Variants in CTIF observed in about 807,000 individuals in gnomAD.
The protein encoded by CTIF is cap binding complex dependent translation initiation factor, also known as CBP80/20-dependent translation initiation factor.
Under a neutral mutation model 66.0 loss-of-function variants are expected in CTIF, and 21 were observed. That is an observed-to-expected ratio of 0.32 (90% confidence interval 0.23 to 0.46). CTIF has a LOEUF of 0.46. CTIF is among the 20% of genes least tolerant of loss of function. The pLI is 1.00. For missense variants in CTIF, 739 were observed against 812.7 expected (o/e 0.91, Z 1.10); for synonymous variants, 345 against 326.4 (o/e 1.06, Z -0.62).
At chr18:48,578,095 T>C (rs1264847249) in intron 1 of CTIF, among the ~76,000 whole-genome samples, 1 of 152,228 alleles carries the variant, frequency 6.6e-6, no homozygotes, top group East Asian at 1.9e-4. Context: ...TGTAACTGGC[T>C]TCTTTCACTT....
In CTIF at chr18:48,761,729, C is replaced by T. The variant is rs745905058; in HGVS notation, c.1371+40C>T. The T allele has an allele frequency of 1.9e-6, 3 of 1,572,354 alleles. No homozygotes were observed. Among genetic ancestry groups the T allele is most frequent in the Non-Finnish European group, 2.6e-6 (3 of 1,153,186 alleles). ...GCCACCACCGCCCCGCGCCCCCTGCCCCTCTGCGTTCGGTGAGTTATTCCT... is the reference window on the plus strand; with the variant it reads ...GCCACCACCGCCCCGCGCCCCCTGCTCCTCTGCGTTCGGTGAGTTATTCCT... On this transcript the variant is annotated intron_variant, in intron 9 of 11. Coordinates refer to ENST00000256413, the MANE Select transcript of CTIF (RefSeq NM_014772.3). This position sits in a 1 kb window ranked among gnomAD's most constrained non-coding sequence, Gnocchi z 4.2.
Position 48,682,803 on chromosome 18 carries a change from C to T in CTIF, c.507+12059C>T, listed in dbSNP as rs560155137. Reference sequence around the variant, plus strand: ...CATGCCTCAGAGGACCCCTGGGTCCCGACAGCCCTGGGCGGGCCATTGGGG... The same window carrying T: ...CATGCCTCAGAGGACCCCTGGGTCCTGACAGCCCTGGGCGGGCCATTGGGG... On this transcript the variant is annotated intron_variant, in intron 6 of 11. Transcript: ENST00000256413. Among the ~76,000 whole-genome samples the T allele has an allele frequency of 8.5e-5, 13 of 152,340 alleles. No individual in the cohort carries two copies. The East Asian group carries it at 2.1e-3, about 25-fold the overall frequency.
At chr18:48,771,863 A>G (rs1468248768) in intron 9 of CTIF, among the ~76,000 whole-genome samples, 1 of 152,236 alleles carries the variant, frequency 6.6e-6, no homozygotes, top group Non-Finnish European at 1.5e-5. Flanking sequence ...TCCAGATCGC[A>G]GCATCTCTGC....
chr18:48,553,383 CTG>C (rs2088935572), intron 1 of CTIF, among the ~76,000 whole-genome samples: 1 of 152,188 alleles, frequency 6.6e-6, no homozygotes, highest in Admixed American at 6.5e-5. Context: ...CCAAAGACCT[CTG>C]TGTCTTTCCC....
At chr18:48,556,488 AG>A (rs2089024379) in intron 1 of CTIF, among the ~76,000 whole-genome samples, 2 of 152,326 alleles carry the variant, frequency 1.3e-5, no homozygotes, top group Middle Eastern at 6.8e-3. Context: ...ACAGAGAACA[AG>A]CTGGGACATC....
chr18:48,681,409 C>T (rs9954456), intron 6 of CTIF, among the ~76,000 whole-genome samples: 2 of 151,842 alleles, frequency 1.3e-5, no homozygotes, highest in African/African-American at 4.8e-5. Context: ...CAGAGTGGGG[C>T]CCCCAGCTGG....
chr18:48,706,600 C>T (rs2092158196), intron 6 of CTIF, among the ~76,000 whole-genome samples: 1 of 152,210 alleles, frequency 6.6e-6, no homozygotes, highest in Admixed American at 6.5e-5. Context: ...GGCCAGAGCT[C>T]TGCTGGGCCT....
At chr18:48,715,591 G>T (rs1017258336) in intron 7 of CTIF, among the ~76,000 whole-genome samples, 1 of 152,088 alleles carries the variant, frequency 6.6e-6, no homozygotes, top group Non-Finnish European at 1.5e-5. Context: ...GAGACCCGGC[G>T]CACTGCCCAA....
At chr18:48,770,026 G>A (rs931182074) in intron 9 of CTIF, among the ~76,000 whole-genome samples, 1 of 152,236 alleles carries the variant, frequency 6.6e-6, no homozygotes, top group African/African-American at 2.4e-5. Context: ...TGCTAAGCCT[G>A]TGGTTCTCTC....
intron 5 of CTIF, among the ~76,000 whole-genome samples, chr18:48,667,236 A>G (rs144233802): frequency 3.3e-5 from 5 of 152,214 alleles, no homozygotes; most frequent in African/African-American, 1.2e-4. Flanking sequence ...CGGTGTAGAC[A>G]TACAGACTAG....
At chr18:48,625,665 CCA>C (rs2144501388) in intron 2 of CTIF, among the ~76,000 whole-genome samples, 1 of 152,288 alleles carries the variant, frequency 6.6e-6, no homozygotes, top group East Asian at 1.9e-4. Flanking sequence ...CCCACATGCC[CCA>C]GAGATTCTTC....
intron 3 of CTIF, among the ~76,000 whole-genome samples, chr18:48,642,056 G>A (rs368411823): frequency 2.0e-5 from 3 of 152,336 alleles, no homozygotes; most frequent in South Asian, 4.1e-4. Context: ...CTTAGTAAAA[G>A]TGCCTACATT....
At chr18:48,570,849 C>T (rs1057115482) in intron 1 of CTIF, among the ~76,000 whole-genome samples, 11 of 151,900 alleles carry the variant, frequency 7.2e-5, no homozygotes, top group Non-Finnish European at 1.3e-4. Flanking sequence ...GAGAGTGGAG[C>T]GGGGACCAGA....
At chr18:48,619,862 C>T in intron 2 of CTIF, 117 bp downstream of exon 2, 1 of 1,031,832 alleles carries the variant, frequency 9.7e-7, no homozygotes, top group Non-Finnish European at 1.3e-6. Flanking sequence ...CATGAATGGT[C>T]CCACCCAGCA....
intron 7 of CTIF, among the ~76,000 whole-genome samples, chr18:48,717,081 G>A (rs2092288974): frequency 6.6e-6 from 1 of 152,188 alleles, no homozygotes; most frequent in South Asian, 2.1e-4. Context: ...CTGTGATTTG[G>A]TGTCTTCTAA....
At chr18:48,823,804 A>G (rs75275569) in intron 10 of CTIF, among the ~76,000 whole-genome samples, 3,675 of 152,306 alleles carry the variant, frequency 0.024, 155 homozygotes, top group African/African-American at 0.084. Flanking sequence ...AAGATCAGGA[A>G]TAACACAAGG....
chr18:48,652,555 A>G (rs940455648), intron 3 of CTIF, among the ~76,000 whole-genome samples: 16 of 152,236 alleles, frequency 1.1e-4, no homozygotes, highest in Non-Finnish European at 1.5e-5. Flanking sequence ...TACCAGAGGT[A>G]CAAAGAGGAG....
In CTIF at chr18:48,817,386, C is replaced by G. The variant is rs1449724512; in HGVS notation, c.1527+10C>G. The G allele has an allele frequency of 6.2e-7, 1 of 1,605,396 alleles. No homozygotes were observed. Among genetic ancestry groups the G allele is most frequent in the Non-Finnish European group, 8.5e-7 (1 of 1,175,780 alleles). On this transcript the variant is annotated intron_variant, in intron 10 of 11. Transcript: ENST00000256413. ...CACCTGCCTCAGGGAGGTAAGAGACCTGCCGCCTGTGCCCCCTGCACAGCC... is the reference window on the plus strand; with the variant it reads ...CACCTGCCTCAGGGAGGTAAGAGACGTGCCGCCTGTGCCCCCTGCACAGCC...
intron 7 of CTIF, among the ~76,000 whole-genome samples, chr18:48,719,650 C>A (rs1165933307): frequency 6.6e-6 from 1 of 152,200 alleles, no homozygotes; most frequent in Non-Finnish European, 1.5e-5. Context: ...CCTGCAAGAT[C>A]CCAGTCCAGG....
Sources: gnomAD v4.1 joint callset for allele counts (sites outside exome capture counted in the v4.1 genomes callset) on GRCh38, gnomAD v4.1.1 for gene constraint, Gnocchi (gnomAD v3.1) non-coding constraint, MANE v1.5 for transcripts, NCBI Gene and HGNC (gene_info 2026-07-23, HGNC 2026-07-21) for gene names.